Variants in HERC1 observed in about 807,000 individuals in gnomAD.
HERC1 encodes probable E3 ubiquitin-protein ligase HERC1.
Under a neutral mutation model 554.3 loss-of-function variants are expected in HERC1, and 160 were observed. The observed-to-expected ratio is 0.29, with a 90% CI of 0.25 to 0.33. HERC1 has a LOEUF of 0.33. HERC1 is among the 10% of genes least tolerant of loss of function. The pLI is 1.00. For synonymous variants in HERC1, 2,175 were observed against 2,131.7 expected (o/e 1.02, Z -0.56); for missense variants, 4,919 against 5,918.5 (o/e 0.83, Z 5.54).
At chr15:63,654,940 G>A (rs1463733056) in intron 50 of HERC1, among the ~76,000 whole-genome samples, 3 of 152,108 alleles carry the variant, frequency 2.0e-5, no homozygotes, top group Non-Finnish European at 4.4e-5. Context: ...TAAGAAAGCA[G>A]CAGAAATAAT....
chr15:63,797,844 T>G (rs550256694), intron 1 of HERC1, among the ~76,000 whole-genome samples: 1 of 152,306 alleles, frequency 6.6e-6, no homozygotes, highest in Admixed American at 6.5e-5. Context: ...AGATAGTTAT[T>G]AATAACATAA....
chr15:63,751,847 C>T (rs1033027037), intron 8 of HERC1, among the ~76,000 whole-genome samples: 8 of 151,866 alleles, frequency 5.3e-5, no homozygotes, highest in Admixed American at 3.9e-4. Flanking sequence ...ATTATTATTA[C>T]TATTATTACT....
intron 19 of HERC1, among the ~76,000 whole-genome samples, chr15:63,720,103 C>CTTTGTTTTTTT: frequency 1.4e-5 from 1 of 71,596 alleles, no homozygotes; most frequent in African/African-American, 6.0e-5. Context: ...TTTTTCTTCC[C>CTTTGTTTTTTT]TTTTTTTTTT....
intron 1 of HERC1, among the ~76,000 whole-genome samples, chr15:63,791,548 A>G (rs2076654315): frequency 6.6e-6 from 1 of 152,224 alleles, no homozygotes; most frequent in African/African-American, 2.4e-5. Flanking sequence ...CATTTCCAAT[A>G]AAACTTTTAG....
chr15:63,692,935 CT>C lies in HERC1; in HGVS notation c.5675-370del, dbSNP rs2072190172. On this transcript the variant is annotated intron_variant, in intron 30 of 77. Transcript: ENST00000443617. This position sits in a 1 kb window ranked among gnomAD's most constrained non-coding sequence, Gnocchi z 4.7. The stretch of plus-strand genomic sequence containing the variant: ...ATGGCTCACATCTGTAATCCCAGCA[CT>C]TTGGGAGGTCGAGGCGGGCGGATCA... 6.6e-6 allele frequency among the ~76,000 whole-genome samples: 1 copy of C among 152,138 alleles called. No individual in the cohort carries two copies. Among genetic ancestry groups the C allele is most frequent in the African/African-American group, 2.4e-5 (1 of 41,436 alleles).
Position 63,652,394 on chromosome 15 carries a change from C to A in HERC1, c.10418+20G>T. The A allele has an allele frequency of 6.2e-7, 1 of 1,609,088 alleles. No homozygotes were observed. ...GGATTCTCTTATTTTAAATGGTATA[C>A]ACGTGATGTTAGCACTCACAATCTG... On this transcript the variant is annotated intron_variant, in intron 52 of 77. Transcript: ENST00000443617.
At chr15:63,755,152 C>T in intron 6 of HERC1, 77 bp downstream of exon 6, 1 of 956,750 alleles carries the variant, frequency 1.0e-6, no homozygotes, top group East Asian at 2.6e-5. Context: ...CCTAGTAAAT[C>T]TGCTCTCACG....
intron 18 of HERC1, among the ~76,000 whole-genome samples, chr15:63,723,785 GAC>G (rs1468261484): frequency 6.6e-6 from 1 of 152,014 alleles, no homozygotes; most frequent in Non-Finnish European, 1.5e-5. Context: ...TTTTTTAATA[GAC>G]TTAAGTAAAA....
At chr15:63,748,483 T>C (rs1052907130) in intron 10 of HERC1, among the ~76,000 whole-genome samples, 22 of 152,016 alleles carry the variant, frequency 1.4e-4, no homozygotes, top group African/African-American at 5.1e-4. Flanking sequence ...AAAATATATA[T>C]TTCATATTAA....
intron 1 of HERC1, among the ~76,000 whole-genome samples, chr15:63,781,995 G>C (rs1000757343): frequency 1.3e-5 from 2 of 152,220 alleles, no homozygotes; most frequent in African/African-American, 4.8e-5. Context: ...AGAGAGGTAA[G>C]GAAAATGCAG....
intron 1 of HERC1, among the ~76,000 whole-genome samples, chr15:63,822,582 T>C (rs1443563854): frequency 6.7e-6 from 1 of 150,000 alleles, no homozygotes; most frequent in Non-Finnish European, 1.5e-5. Context: ...CAAGACTCTG[T>C]CTCAAAAAAA....
chr15:63,820,850 G>A (rs2077666099), intron 1 of HERC1, among the ~76,000 whole-genome samples: 1 of 151,988 alleles, frequency 6.6e-6, no homozygotes. Flanking sequence ...TTAGGGTGAG[G>A]AAAAATAACT....
chr15:63,721,934 C>CA (rs1328225848), intron 19 of HERC1, among the ~76,000 whole-genome samples: 1 of 152,238 alleles, frequency 6.6e-6, no homozygotes, highest in African/African-American at 2.4e-5. Flanking sequence ...AATCTTGACT[C>CA]ACTGCAACCT....
intron 1 of HERC1, among the ~76,000 whole-genome samples, chr15:63,829,978 G>A (rs2078101483): frequency 6.6e-6 from 1 of 152,096 alleles, no homozygotes; most frequent in South Asian, 2.1e-4. Flanking sequence ...AGGGAAAGGG[G>A]ACATCTCTCC....
At chr15:63,668,800 T>C (rs1266679618) in intron 40 of HERC1, among the ~76,000 whole-genome samples, 1 of 151,808 alleles carries the variant, frequency 6.6e-6, no homozygotes, top group African/African-American at 2.4e-5. Context: ...AAACAGGAAA[T>C]AGAAAAATCC....
intron 12 of HERC1, among the ~76,000 whole-genome samples, chr15:63,738,876 C>A (rs2074663140): frequency 6.6e-6 from 1 of 152,138 alleles, no homozygotes; most frequent in African/African-American, 2.4e-5. Context: ...TCTTACACTA[C>A]CCCGTTTCTG....
Position 63,640,313 on chromosome 15 carries a change from G to GCA in HERC1, c.11739_11740insTG (p.Pro3914CysfsTer15). Reference sequence around the variant, plus strand: ...TTTGGATTCCAGGATGCAGGGTCAGGGAGACAGTTCTGGTGGTGTGGTGGC... The same window carrying GCA: ...TTTGGATTCCAGGATGCAGGGTCAGGCAGAGACAGTTCTGGTGGTGTGGTGGC... On this transcript the variant is annotated frameshift_variant, in exon 61 of 78. Transcript: ENST00000443617. LOFTEE classifies it high-confidence loss of function. 6.2e-7 allele frequency: 1 copy of GCA among 1,613,896 alleles called. No individual in the cohort carries two copies. Among genetic ancestry groups the GCA allele is most frequent in the African/African-American group, 1.3e-5 (1 of 75,024 alleles).
chr15:63,794,249 T>A (rs896527681), intron 1 of HERC1, among the ~76,000 whole-genome samples: 1 of 151,558 alleles, frequency 6.6e-6, no homozygotes, highest in Non-Finnish European at 1.5e-5. Context: ...TTAATAAACT[T>A]GCTTTCACTT....
At chr15:63,768,513 T>C (rs893442878) in intron 2 of HERC1, among the ~76,000 whole-genome samples, 13 of 152,196 alleles carry the variant, frequency 8.5e-5, no homozygotes, top group South Asian at 2.1e-4. Context: ...CCTCTCCAAA[T>C]TCCCTAGTTA....
Sources: gnomAD v4.1 joint callset for allele counts (sites outside exome capture counted in the v4.1 genomes callset) on GRCh38, gnomAD v4.1.1 for gene constraint, Gnocchi (gnomAD v3.1) non-coding constraint, MANE v1.5 for transcripts, NCBI Gene and HGNC (gene_info 2026-07-23, HGNC 2026-07-21) for gene names.